The following IPO11 variants were observed in gnomAD, a reference collection of about 807,000 sequenced individuals.
IPO11 encodes the protein importin-11.
Under a neutral mutation model 143.2 loss-of-function variants are expected in IPO11, and 66 were observed. That is an observed-to-expected ratio of 0.46 (90% CI 0.38 to 0.57). The LOEUF (loss-of-function observed/expected upper bound fraction) is 0.57, where lower values mean the gene tolerates loss of function less well. Ranked by LOEUF, IPO11 falls within the 20% of genes least tolerant of loss-of-function variation. The pLI, the probability that IPO11 is intolerant of heterozygous loss-of-function variation, is 0.00. For missense variants in IPO11, 1,026 were observed against 1,141.0 expected (o/e 0.90, Z 1.45); for synonymous variants, 385 against 377.8 (o/e 1.02, Z -0.22).
At chr5:62,413,514 A>C (rs1197433593) in intron 1 of IPO11, 1 of 152,164 alleles carries the variant, frequency 6.6e-6, no homozygotes, top group African/African-American at 2.4e-5. Flanking sequence ...GATTCAGCAA[A>C]ACTACTTTTG....
intron 20 of IPO11, among the ~76,000 whole-genome samples, chr5:62,522,361 T>A (rs2112298762): frequency 6.6e-6 from 1 of 151,818 alleles, no homozygotes; most frequent in East Asian, 1.9e-4. Flanking sequence ...CTTGGCTCAC[T>A]GCAACCTCCA....
At chr5:62,501,278 ATC>A (rs1277563010) in intron 16 of IPO11, among the ~76,000 whole-genome samples, 1 of 152,024 alleles carries the variant, frequency 6.6e-6, no homozygotes, top group Non-Finnish European at 1.5e-5. Context: ...ACAGATCTTG[ATC>A]TCTCAACTAG....
chr5:62,627,266 C>T lies in IPO11; in HGVS notation c.2876C>T (p.Thr959Ile). 1 of 1,614,086 alleles carries T rather than the reference C, an allele frequency of 6.2e-7. No individual in the cohort carries two copies. The highest frequency in any genetic ancestry group is 8.5e-7 in the Non-Finnish European group (1 of 1,179,994). The change falls in exon 30 of 30, where the codon ACA (threonine) becomes ATA (isoleucine). Residue 959 changes from threonine to isoleucine, a missense_variant. Physicochemically the swap from Thr to Ile is moderately conservative, Grantham distance 89 (BLOSUM62 -1). This residue lies in a region of IPO11 where 351 missense variants were observed against 358.9 expected (regional missense o/e 0.98). Coordinates refer to ENST00000325324, the MANE Select transcript of IPO11 (RefSeq NM_016338.5). ...CAAGGTTTCCAGTCCCTCATGGAAA[C>T]AGTGGATACGGAGATTGTCACCCAG... ...GEQGFQSLME[T>I]VDTEIVTQLQ...
At chr5:62,542,848 AT>A (rs2112333803) in intron 24 of IPO11, among the ~76,000 whole-genome samples, 1 of 152,346 alleles carries the variant, frequency 6.6e-6, no homozygotes, top group African/African-American at 2.4e-5. Context: ...TCATGGTCAT[AT>A]TAAGCAATGT....
In IPO11 at chr5:62,435,781, C is replaced by T. The variant is rs530531249; in HGVS notation, c.-6-1493C>T. Among the ~76,000 whole-genome samples the T allele has an allele frequency of 2.6e-5, 4 of 151,734 alleles. No homozygotes were observed. In the East Asian group the frequency reaches 5.8e-4, roughly 22 times the overall value. Reference sequence around the variant, plus strand: ...TGGTGGCTCATGCCTGTAATCCCAGCACTTTGGGAGGCTGAGGCAGGCGGA... The same window carrying T: ...TGGTGGCTCATGCCTGTAATCCCAGTACTTTGGGAGGCTGAGGCAGGCGGA... On this transcript the variant is annotated intron_variant, in intron 1 of 29. Coordinates refer to ENST00000325324, the MANE Select transcript of IPO11 (RefSeq NM_016338.5).
chr5:62,441,851 C>CTT (rs35792043), intron 2 of IPO11, among the ~76,000 whole-genome samples: 267 of 143,244 alleles, frequency 1.9e-3, no homozygotes, highest in African/African-American at 6.5e-3. Context: ...TGCTATCAAA[C>CTT]TTTTTTTTTT....
At chr5:62,589,083 G>A (rs1251186756) in intron 27 of IPO11, among the ~76,000 whole-genome samples, 1 of 152,090 alleles carries the variant, frequency 6.6e-6, no homozygotes, top group Non-Finnish European at 1.5e-5. Flanking sequence ...CCCTGCCTCT[G>A]TTATGATCCC....
chr5:62,604,021 T>TTA (rs1259545770), intron 29 of IPO11, among the ~76,000 whole-genome samples: 3 of 152,174 alleles, frequency 2.0e-5, no homozygotes, highest in Admixed American at 1.3e-4. Flanking sequence ...GAGCAATAGG[T>TTA]TATACCATGT....
At chr5:62,454,214 T>C (rs1745043957) in intron 5 of IPO11, among the ~76,000 whole-genome samples, 1 of 152,202 alleles carries the variant, frequency 6.6e-6, no homozygotes, top group Admixed American at 6.5e-5. Context: ...TTTTTGATAG[T>C]CTAAGGTTGT....
chr5:62,451,770 G>T lies in IPO11; in HGVS notation c.353G>T (p.Arg118Ile). Reference sequence around the variant, plus strand: ...GCAGTGCTCATTGCAAAAGTTGCTAGATTGGATTGTCCCAGACAGTGGCCT... The same window carrying T: ...GCAGTGCTCATTGCAAAAGTTGCTATATTGGATTGTCCCAGACAGTGGCCT... Reference protein sequence around the residue: ...QIAVLIAKVARLDCPRQWPEL... With the variant: ...QIAVLIAKVAILDCPRQWPEL... The change falls in exon 5 of 30, where the codon AGA becomes ATA. Residue 118 changes from arginine to isoleucine, a missense_variant. Transcript: ENST00000325324. 6.2e-7 allele frequency: 1 copy of T among 1,614,176 alleles called. No homozygotes were observed. Among genetic ancestry groups the T allele is most frequent in the Non-Finnish European group, 8.5e-7 (1 of 1,180,034 alleles).
chr5:62,562,426 A>G (rs1743803101), intron 27 of IPO11, among the ~76,000 whole-genome samples: 1 of 152,186 alleles, frequency 6.6e-6, no homozygotes. Context: ...TTTCAGGATG[A>G]AGCTATTCCA....
intron 19 of IPO11, among the ~76,000 whole-genome samples, chr5:62,513,383 G>T (rs1446973655): frequency 7.8e-6 from 1 of 128,698 alleles, no homozygotes; most frequent in Non-Finnish European, 1.7e-5. Flanking sequence ...CCTCCCTCCC[G>T]GACGGGGCGG....
chr5:62,512,649 CAG>C (rs1320576482), intron 19 of IPO11, among the ~76,000 whole-genome samples: 29 of 129,924 alleles, frequency 2.2e-4, no homozygotes, highest in African/African-American at 8.1e-4. Flanking sequence ...GTGTTTCTCA[CAG>C]AGGGGGATTT....
rs1258818390 is a variant in IPO11, at chr5:62,627,434, A to C, written c.*116A>C. 1 of 961,004 alleles carries C rather than the reference A, an allele frequency of 1.0e-6. No individual in the cohort carries two copies. Among genetic ancestry groups the C allele is most frequent in the Non-Finnish European group, 1.5e-6 (1 of 655,456 alleles). 59.5% of individuals were successfully genotyped at this position (961,004 alleles called of 1,614,324 possible). A position where few individuals can be genotyped will look rare whatever the true frequency, so the allele number is the denominator to read the frequency against. On this transcript the variant is annotated 3_prime_UTR_variant, in exon 30 of 30. Coordinates refer to ENST00000325324, the MANE Select transcript of IPO11 (RefSeq NM_016338.5). ...AATCACTTCATGAAAATAAGCAAAG[A>C]CCACACATTTTTTACTACAAAATGT...
intron 27 of IPO11, among the ~76,000 whole-genome samples, chr5:62,573,017 G>GA (rs1282735627): frequency 2.0e-5 from 3 of 151,840 alleles, no homozygotes; most frequent in Non-Finnish European, 4.4e-5. Flanking sequence ...TTTATATATG[G>GA]AAATGTGGTA....
At chr5:62,458,769 A>T (rs570139223) in intron 5 of IPO11, among the ~76,000 whole-genome samples, 1 of 152,230 alleles carries the variant, frequency 6.6e-6, no homozygotes, top group Admixed American at 6.5e-5. Context: ...AGGAGACTCA[A>T]GGTGACAGAC....
At chr5:62,463,953 A>C (rs1745471916) in intron 5 of IPO11, among the ~76,000 whole-genome samples, 1 of 151,362 alleles carries the variant, frequency 6.6e-6, no homozygotes, top group Non-Finnish European at 1.5e-5. Context: ...CTTCCCGAGT[A>C]GCTGGGATTA....
At position 62,451,940 on chromosome 5, in the gene IPO11, G is replaced by C; in HGVS notation, c.516+7G>C. 6.2e-7 allele frequency: 1 copy of C among 1,604,044 alleles called. No individual in the cohort carries two copies. The highest frequency in any genetic ancestry group is 8.5e-7 in the Non-Finnish European group (1 of 1,170,790). The stretch of plus-strand genomic sequence containing the variant: ...TAGAAAACTATTTTATGATGTAAGT[G>C]ATTTCACATAGTTAAATTTGATTAT... On this transcript the variant is annotated splice_region_variant and intron_variant, in intron 5 of 29. Coordinates refer to ENST00000325324, the MANE Select transcript of IPO11 (RefSeq NM_016338.5).
rs959459929 is a variant in IPO11 at position 62,427,192 on chromosome 5, G to A, written c.-6-10082G>A. Among the ~76,000 whole-genome samples, 9 of 151,660 alleles carry A rather than the reference G, an allele frequency of 5.9e-5. No homozygotes were observed. The East Asian group carries it at 9.7e-4, about 16-fold the overall frequency. ...TTACCTCAGGTGATCCACCTGCCTC[G>A]GCATCCCAAAGTGCTGGGATTACAC... is the stretch of plus-strand genomic sequence containing the variant. On this transcript the variant is annotated intron_variant, in intron 1 of 29. Coordinates refer to ENST00000325324, the MANE Select transcript of IPO11 (RefSeq NM_016338.5).
Sources: allele counts gnomAD v4.1 joint callset (sites outside exome capture counted in the v4.1 genomes callset), GRCh38; gene constraint gnomAD v4.1.1; regional missense constraint gnomAD v4.1.1; transcripts MANE v1.5; gene names NCBI Gene and HGNC (gene_info 2026-07-23, HGNC 2026-07-21).